The following PXDNL variants were observed in gnomAD, a reference collection of about 807,000 sequenced individuals.
PXDNL encodes peroxidasin like.
In PXDNL, 145 loss-of-function variants were observed where a neutral mutation model predicts 150.8. The observed-to-expected ratio is 0.96, with a 90% CI of 0.84 to 1.10. The LOEUF (loss-of-function observed/expected upper bound fraction) is 1.10, where lower values mean the gene tolerates loss of function less well. Among genes scored for constraint, PXDNL ranks in the 50% least tolerant of loss-of-function variants. The pLI is 0.00. For synonymous variants in PXDNL, 757 were observed against 725.7 expected (o/e 1.04, Z -0.69); for missense variants, 2,087 against 1,873.9 (o/e 1.11, Z -2.10).
At chr8:51,385,859 G>A (rs1807693063) in intron 17 of PXDNL, among the ~76,000 whole-genome samples, 1 of 152,160 alleles carries the variant, frequency 6.6e-6, no homozygotes, top group Non-Finnish European at 1.5e-5. Context: ...CCTGCCACCA[G>A]GTAAGACATG....
At chr8:51,453,397 C>A in intron 10 of PXDNL, 122 bp downstream of exon 10, 1 of 1,108,284 alleles carries the variant, frequency 9.0e-7, no homozygotes. Flanking sequence ...CTTATTGTGT[C>A]AAAAAATAAT....
At chr8:51,496,580 A>T (rs532685683) in intron 5 of PXDNL, among the ~76,000 whole-genome samples, 1 of 152,328 alleles carries the variant, frequency 6.6e-6, no homozygotes, top group African/African-American at 2.4e-5. Flanking sequence ...ACTTCAGCAA[A>T]GTCTCAAGAT....
At chr8:51,647,553 T>C (rs1230510231) in intron 2 of PXDNL, among the ~76,000 whole-genome samples, 2 of 152,238 alleles carry the variant, frequency 1.3e-5, no homozygotes. Flanking sequence ...GTCATCATTT[T>C]ACAATGCAGA....
At chr8:51,414,470 T>C (rs1276219827) in intron 14 of PXDNL, among the ~76,000 whole-genome samples, 1 of 151,606 alleles carries the variant, frequency 6.6e-6, no homozygotes, top group Non-Finnish European at 1.5e-5. Flanking sequence ...AAAATTCTTC[T>C]TGGCAAACTA....
intron 2 of PXDNL, among the ~76,000 whole-genome samples, chr8:51,648,514 G>T (rs925671805): frequency 6.6e-6 from 1 of 152,212 alleles, no homozygotes; most frequent in African/African-American, 2.4e-5. Flanking sequence ...CTCTCCCAGA[G>T]CCTCTGGAGG....
chr8:51,771,872 G>T (rs900593422), intron 1 of PXDNL, among the ~76,000 whole-genome samples: 4 of 152,244 alleles, frequency 2.6e-5, no homozygotes, highest in African/African-American at 9.6e-5. Context: ...GTCCACACAC[G>T]TGGTTCCTCT....
intron 14 of PXDNL, among the ~76,000 whole-genome samples, chr8:51,420,713 T>C (rs1228329880): frequency 6.6e-6 from 1 of 152,206 alleles, no homozygotes; most frequent in Non-Finnish European, 1.5e-5. Context: ...GTTTTTGAGA[T>C]GAAGTCTCAC....
chr8:51,511,210 T>A (rs1235801006), intron 4 of PXDNL, among the ~76,000 whole-genome samples: 1 of 152,198 alleles, frequency 6.6e-6, no homozygotes, highest in African/African-American at 2.4e-5. Flanking sequence ...TGATGATACT[T>A]CATGCCAGGG....
chr8:51,494,157 A>G (rs1810978000), intron 5 of PXDNL, among the ~76,000 whole-genome samples: 2 of 152,254 alleles, frequency 1.3e-5, no homozygotes, highest in Non-Finnish European at 1.5e-5. Context: ...TTTTCAACCC[A>G]GAATTTCATA....
chr8:51,800,199 C>T (rs2037604011), intron 1 of PXDNL, among the ~76,000 whole-genome samples: 1 of 152,080 alleles, frequency 6.6e-6, no homozygotes, highest in Non-Finnish European at 1.5e-5. Flanking sequence ...TTTCAGCACC[C>T]CTCAAGTTTC....
At chr8:51,600,046 C>T (rs986452490) in intron 2 of PXDNL, among the ~76,000 whole-genome samples, 12 of 125,964 alleles carry the variant, frequency 9.5e-5, no homozygotes, top group African/African-American at 3.7e-4. Context: ...ATATAAATGA[C>T]ATCGTTTAGA....
intron 4 of PXDNL, among the ~76,000 whole-genome samples, chr8:51,548,519 T>G (rs2130510941): frequency 6.6e-6 from 1 of 152,296 alleles, no homozygotes; most frequent in Non-Finnish European, 1.5e-5. Context: ...AAGCCAGGAT[T>G]GAGGTTCTAT....
chr8:51,338,277 C>A (rs1019443108), intron 21 of PXDNL, among the ~76,000 whole-genome samples: 4 of 152,028 alleles, frequency 2.6e-5, no homozygotes, highest in Non-Finnish European at 5.9e-5. Flanking sequence ...CTGATACAGA[C>A]CACAGCTGCA....
chr8:51,784,891 T>G (rs1398308057), intron 1 of PXDNL, among the ~76,000 whole-genome samples: 1 of 152,186 alleles, frequency 6.6e-6, no homozygotes, highest in East Asian at 1.9e-4. Context: ...GCAGGAAAAA[T>G]TATATTTCTA....
At chr8:51,528,176 C>A (rs900181983) in intron 4 of PXDNL, among the ~76,000 whole-genome samples, 2 of 152,238 alleles carry the variant, frequency 1.3e-5, no homozygotes, top group East Asian at 3.9e-4. Context: ...AAACAACAGA[C>A]CCCGCTTCTC....
At chr8:51,659,924 C>G (rs568253087) in intron 1 of PXDNL, among the ~76,000 whole-genome samples, 1 of 151,108 alleles carries the variant, frequency 6.6e-6, no homozygotes, top group African/African-American at 2.4e-5. Context: ...GAGTCTTGCT[C>G]TTGTCGCCCA....
intron 17 of PXDNL, among the ~76,000 whole-genome samples, chr8:51,388,682 C>T (rs577582799): frequency 2.0e-5 from 3 of 152,238 alleles, no homozygotes; most frequent in Admixed American, 2.0e-4. Context: ...TTTTCTACCT[C>T]TTGGAACTTC....
intron 4 of PXDNL, among the ~76,000 whole-genome samples, chr8:51,539,145 T>G (rs940934285): frequency 2.6e-5 from 4 of 152,192 alleles, no homozygotes; most frequent in African/African-American, 7.2e-5. Flanking sequence ...TTCTCATTTG[T>G]TCTTAATTTG....
In PXDNL at chr8:51,374,775, T is replaced by C. The variant is rs565366998; in HGVS notation, c.3558-44A>G. The C allele has an allele frequency of 3.8e-6, 6 of 1,595,022 alleles. No homozygotes were observed. In the African/African-American group the frequency reaches 6.7e-5, roughly 18 times the overall value. ...GACAGCGCACACCTGAGACTGAAAG[T>C]GGAATTGAAAATATTCCTTATGTGA... is the stretch of plus-strand genomic sequence containing the variant. On this transcript the variant is annotated intron_variant, in intron 17 of 22. Transcript: ENST00000356297.
Sources: gnomAD v4.1 joint callset for allele counts (sites outside exome capture counted in the v4.1 genomes callset) on GRCh38, gnomAD v4.1.1 for gene constraint, MANE v1.5 for transcripts, NCBI Gene and HGNC (gene_info 2026-07-23, HGNC 2026-07-21) for gene names.